The following NOX5 variants were observed in gnomAD, a reference collection of about 807,000 sequenced individuals.
NOX5 encodes NADPH oxidase, EF-hand calcium binding domain 5.
A neutral mutation model predicts 85.7 loss-of-function variants in NOX5; 76 were observed. That is an observed-to-expected ratio of 0.89 (90% CI 0.74 to 1.07). The LOEUF is 1.07. Ranked by LOEUF, NOX5 falls within the 50% of genes least tolerant of loss-of-function variation. The pLI is 0.00. For synonymous variants in NOX5, 405 were observed against 401.4 expected (o/e 1.01, Z -0.11); for missense variants, 973 against 999.5 (o/e 0.97, Z 0.36).
At chr15:69,036,560 A>T (rs1293992877) in intron 7 of NOX5, among the ~76,000 whole-genome samples, 1 of 152,198 alleles carries the variant, frequency 6.6e-6, no homozygotes, top group African/African-American at 2.4e-5. Flanking sequence ...CCTTTGAAGT[A>T]GGAATCAGAA....
chr15:69,055,352 A>G lies in NOX5; in HGVS notation c.2018A>G (p.His673Arg), dbSNP rs1213812059. Residue 673 changes from histidine (H) to arginine (R), a missense_variant, in exon 15 of 16, where the codon CAT (histidine) becomes CGT (arginine). Physicochemically the swap from His to Arg is conservative, Grantham distance 29. Coordinates refer to ENST00000388866, the MANE Select transcript of NOX5 (RefSeq NM_024505.4). ...CCAACAGGCCGCTTCCTGGAGCTGC[A>G]TATGTACATGACATCTGCACTGGGC... ...EAQYGRFLEL[H>R]MYMTSALGKN... 3.1e-6 allele frequency: 5 copies of G among 1,614,158 alleles called. No homozygotes were observed. The South Asian group carries it at 3.3e-5, about 11-fold the overall frequency.
chr15:69,028,031 T>C (rs1426152742), intron 2 of NOX5, among the ~76,000 whole-genome samples, 184 bp from the exon 3 acceptor site: 1 of 152,094 alleles, frequency 6.6e-6, no homozygotes, highest in Non-Finnish European at 1.5e-5. Flanking sequence ...ACTGCAGGGA[T>C]CGGAACAGGT....
chr15:69,032,372 A>G (rs1054667340), intron 4 of NOX5, among the ~76,000 whole-genome samples: 1 of 151,978 alleles, frequency 6.6e-6, no homozygotes, highest in Non-Finnish European at 1.5e-5. Context: ...GGCTCTGAAT[A>G]GAGCCGGTTT....
In NOX5 at chr15:69,061,831, G is replaced by A. The variant is rs1017206603; in HGVS notation, c.*5135G>A. 6.6e-6 allele frequency: 1 copy of A among 152,218 alleles called. No homozygotes were observed. The highest frequency in any genetic ancestry group is 6.5e-5 in the Admixed American group (1 of 15,284). 9.4% of individuals were successfully genotyped at this position (152,218 alleles called of 1,614,324 possible). ...CTGGAGAAACAAAGAAAGACAGGTAGTGAGTTTTAGTGTGGCAGGGAAGAA... is the reference window on the plus strand; with the variant it reads ...CTGGAGAAACAAAGAAAGACAGGTAATGAGTTTTAGTGTGGCAGGGAAGAA... On this transcript the variant is annotated 3_prime_UTR_variant, in exon 16 of 16. Transcript: ENST00000388866.
At chr15:69,042,094 A>C (rs2050602385) in intron 9 of NOX5, among the ~76,000 whole-genome samples, 1 of 150,972 alleles carries the variant, frequency 6.6e-6, no homozygotes, top group Non-Finnish European at 1.5e-5. Context: ...GGAAAAGGGC[A>C]AGAGTTCAAA....
chr15:69,050,004 C>G (rs2050727153), intron 14 of NOX5, among the ~76,000 whole-genome samples: 1 of 152,226 alleles, frequency 6.6e-6, no homozygotes, highest in Non-Finnish European at 1.5e-5. Flanking sequence ...TGACTTGTAA[C>G]CCCTGGCAAC....
intron 8 of NOX5, chr15:69,037,666 A>G (rs577225680): frequency 4.5e-5 from 7 of 156,556 alleles, no homozygotes; most frequent in Non-Finnish European, 7.0e-5. Context: ...ATGCCATATC[A>G]GGGTTTTGAG....
intron 3 of NOX5, chr15:69,030,447 TG>T (rs1173401894): frequency 2.6e-5 from 4 of 152,086 alleles, no homozygotes; most frequent in Non-Finnish European, 5.9e-5. Flanking sequence ...GTCAGTAGAA[TG>T]GAAGGTTAGA....
chr15:69,040,165 C>G (rs368161768), intron 9 of NOX5, among the ~76,000 whole-genome samples: 71 of 152,352 alleles, frequency 4.7e-4, no homozygotes, highest in African/African-American at 1.6e-3. Context: ...CTGCATACCC[C>G]CTACCTTGGA....
At chr15:69,028,393 G>T in intron 3 of NOX5, 28 bp downstream of exon 3, 3 of 1,552,726 alleles carry the variant, frequency 1.9e-6, no homozygotes, top group Non-Finnish European at 1.7e-6. Flanking sequence ...GTGTGGGCTG[G>T]GGTGGGGAGA....
At chr15:69,021,113 A>G (rs2050290580) in intron 1 of NOX5, among the ~76,000 whole-genome samples, 1 of 152,046 alleles carries the variant, frequency 6.6e-6, no homozygotes, top group African/African-American at 2.4e-5. Flanking sequence ...TATTTTAGTT[A>G]AAGCTTTGTA....
At chr15:69,030,373 T>C (rs1475947150) in intron 3 of NOX5, 1 of 152,206 alleles carries the variant, frequency 6.6e-6, no homozygotes, top group Non-Finnish European at 1.5e-5. Flanking sequence ...TTCATTTTGC[T>C]GCCCTGGTGC....
intron 1 of NOX5, among the ~76,000 whole-genome samples, chr15:69,018,559 G>A (rs1166471842): frequency 4.0e-5 from 4 of 100,248 alleles, no homozygotes; most frequent in African/African-American, 1.7e-4. Flanking sequence ...AGACTCTTTT[G>A]TGTTACTGGA....
chr15:69,015,952 C>T (rs563449585), intron 1 of NOX5, among the ~76,000 whole-genome samples: 7 of 151,772 alleles, frequency 4.6e-5, no homozygotes, highest in Admixed American at 3.3e-4. Context: ...GGGCTGGGCC[C>T]AGGACAGTGG....
intron 1 of NOX5, among the ~76,000 whole-genome samples, chr15:69,020,800 A>G (rs2050287172): frequency 6.6e-6 from 1 of 152,124 alleles, no homozygotes; most frequent in Non-Finnish European, 1.5e-5. Context: ...TGCAAATATC[A>G]TAGAACAAGA....
At chr15:69,036,065 A>G in intron 7 of NOX5, 129 bp downstream of exon 7, 1 of 1,253,736 alleles carries the variant, frequency 8.0e-7, no homozygotes, top group African/African-American at 1.5e-5. Flanking sequence ...TTTGCATGTG[A>G]TTTGGGACCT....
At position 69,042,645 on chromosome 15, in the gene NOX5, C is replaced by T. The variant is rs767497537; in HGVS notation, c.1505-18C>T. 8 of 1,609,182 alleles carry T rather than the reference C, an allele frequency of 5.0e-6. No homozygotes were observed. The highest frequency in any genetic ancestry group is 3.4e-6 in the Non-Finnish European group (4 of 1,178,338). The stretch of plus-strand genomic sequence containing the variant: ...TCACTATGGACCTCCTTTCCCCTCC[C>T]ACTCTTCTCTTTCTCAGACACTATC... On this transcript the variant is annotated intron_variant, in intron 9 of 15. Transcript: ENST00000388866.
At chr15:69,016,431 G>A (rs1308833489) in intron 1 of NOX5, among the ~76,000 whole-genome samples, 2 of 152,196 alleles carry the variant, frequency 1.3e-5, no homozygotes, top group African/African-American at 2.4e-5. Context: ...ATTTATAGGC[G>A]AGGAGAGAGT....
rs376759060 is a variant in NOX5 at position 69,038,947 on chromosome 15, G to C, written c.1462G>C (p.Glu488Gln). Residue 488 changes from glutamate (E) to glutamine (Q), a missense_variant, in exon 9 of 16, where the codon GAG (glutamate) becomes CAG (glutamine). Transcript: ENST00000388866. The stretch of plus-strand genomic sequence containing the variant: ...GAACATCCCCACCATTGCTCGCTAT[G>C]AGTGGCACCCCTTCACCATCAGCAG... Reference protein sequence around the residue: ...YLNIPTIARYEWHPFTISSAP... With the variant: ...YLNIPTIARYQWHPFTISSAP... 9.3e-6 allele frequency: 15 copies of C among 1,613,924 alleles called. No individual in the cohort carries two copies. The African/African-American group carries it at 1.3e-4, about 14-fold the overall frequency.
Sources: gnomAD v4.1 joint callset for allele counts (sites outside exome capture counted in the v4.1 genomes callset) on GRCh38, gnomAD v4.1.1 for gene constraint, MANE v1.5 for transcripts, NCBI Gene and HGNC (gene_info 2026-07-23, HGNC 2026-07-21) for gene names.